MEGF11: variants seen among roughly 807,000 people sequenced by gnomAD.
MEGF11 encodes multiple EGF like domains 11, also known as multiple epidermal growth factor-like domains protein 11.
A neutral mutation model predicts 146.6 loss-of-function variants in MEGF11; 126 were observed. The ratio of observed to expected loss-of-function variants is 0.86; its 90% confidence interval spans 0.74 to 1.00. The LOEUF (loss-of-function observed/expected upper bound fraction) is 1.00, where lower values mean the gene tolerates loss of function less well. Among genes scored for constraint, MEGF11 ranks in the 50% least tolerant of loss-of-function variants. MEGF11 has a pLI of 0.00. For synonymous variants in MEGF11, 532 were observed against 583.4 expected (o/e 0.91, Z 1.27); for missense variants, 1,509 against 1,521.2 (o/e 0.99, Z 0.13).
At chr15:66,206,544 T>C (rs892549266) in intron 1 of MEGF11, among the ~76,000 whole-genome samples, 8 of 152,068 alleles carry the variant, frequency 5.3e-5, no homozygotes, top group African/African-American at 1.9e-4. Context: ...CAGCCAGAAG[T>C]TATTTTTTTA....
At chr15:66,072,445 G>A (rs180755067) in intron 5 of MEGF11, among the ~76,000 whole-genome samples, 223 of 152,146 alleles carry the variant, frequency 1.5e-3, no homozygotes, top group South Asian at 2.1e-3. Flanking sequence ...TGAAATTACC[G>A]TGTTTATTTA....
intron 5 of MEGF11, among the ~76,000 whole-genome samples, chr15:66,061,085 C>A (rs1413288764): frequency 6.6e-6 from 1 of 152,162 alleles, no homozygotes; most frequent in Non-Finnish European, 1.5e-5. Context: ...GTTACAGAGA[C>A]CTGGGCCTCA....
chr15:66,151,460 G>A (rs762025305), intron 1 of MEGF11, among the ~76,000 whole-genome samples: 1 of 152,166 alleles, frequency 6.6e-6, no homozygotes, highest in Admixed American at 6.5e-5. Context: ...TCTGCCACCA[G>A]TCACGGACAG....
chr15:65,904,629 T>G (rs1243143865), intron 24 of MEGF11, among the ~76,000 whole-genome samples: 1 of 152,132 alleles, frequency 6.6e-6, no homozygotes, highest in Non-Finnish European at 1.5e-5. Flanking sequence ...TGTCTTGGTG[T>G]ATGTAAAACT....
chr15:66,093,917 A>G (rs983509225), intron 5 of MEGF11, among the ~76,000 whole-genome samples: 4 of 152,170 alleles, frequency 2.6e-5, no homozygotes, highest in African/African-American at 9.7e-5. Context: ...TGCCCCTGCG[A>G]GTGTCCTGTT....
At position 65,965,064 on chromosome 15, in the gene MEGF11, T is replaced by A; in HGVS notation, c.956A>T (p.Asp319Val). 6.3e-7 allele frequency: 1 copy of A among 1,596,788 alleles called. No individual in the cohort carries two copies. The highest frequency in any genetic ancestry group is 1.1e-5 in the South Asian group (1 of 88,018). ...SFGFQCSQHC[D>V]CHNGGQCSPT... is the part of the protein sequence containing the mutation. ...TGAACACTGCCCCCCATTGTGGCAG[T>A]CACAGTGCTGTGAGCACTGGAAGCC... The change falls in exon 9 of 26, where the codon GAC (aspartate) becomes GTC (valine). Residue 319 changes from aspartate to valine, a missense_variant. Asp to Val is a radical substitution (Grantham distance 152, BLOSUM62 -3). Transcript: ENST00000395614.
At chr15:66,145,624 C>T (rs561354402) in intron 1 of MEGF11, among the ~76,000 whole-genome samples, 1 of 152,100 alleles carries the variant, frequency 6.6e-6, no homozygotes, top group Non-Finnish European at 1.5e-5. Context: ...TGAGAGGCTA[C>T]AATATGTGCC....
In MEGF11 at chr15:65,916,166, C is replaced by T. The variant is rs1428512428; in HGVS notation, c.2326G>A (p.Gly776Arg). Residue 776 changes from glycine to arginine, a missense_variant, in exon 18 of 26, where the codon GGG becomes AGG. Physicochemically the swap from Gly to Arg is moderately radical, Grantham distance 125 (BLOSUM62 -2). Coordinates refer to ENST00000395614, the MANE Select transcript of MEGF11 (RefSeq NM_001385028.1). ...AGCTTACTCTGCTCACAGTGTTGCC[C>T]GGTGAAGCCTGTGCGGCAGGTGCAC... The part of the protein sequence containing the change: ...GKCTCRTGFT[G>R]QHCEQRCAPG... 43 of 1,590,136 alleles carry T rather than the reference C, an allele frequency of 2.7e-5. No homozygotes were observed. The highest frequency in any genetic ancestry group is 4.6e-5 in the East Asian group (2 of 43,796).
chr15:66,220,673 G>A (rs933024772), intron 1 of MEGF11, among the ~76,000 whole-genome samples: 2 of 142,182 alleles, frequency 1.4e-5, no homozygotes, highest in African/African-American at 2.8e-5. Context: ...GAGTAGCTGG[G>A]ACTACAGGTG....
chr15:66,155,029 C>T (rs1157256075), intron 1 of MEGF11, among the ~76,000 whole-genome samples: 4 of 152,230 alleles, frequency 2.6e-5, no homozygotes, highest in South Asian at 2.1e-4. Context: ...GTCAGGATGT[C>T]AGAGTTGGAA....
chr15:66,005,483 G>C (rs2082493969), intron 5 of MEGF11, among the ~76,000 whole-genome samples: 1 of 152,218 alleles, frequency 6.6e-6, no homozygotes, highest in African/African-American at 2.4e-5. Context: ...TCGTGCTCCA[G>C]TAAGTATGCA....
chr15:66,082,371 C>T (rs906895391), intron 5 of MEGF11, among the ~76,000 whole-genome samples: 4 of 128,168 alleles, frequency 3.1e-5, no homozygotes, highest in East Asian at 2.5e-4. Flanking sequence ...GCAGATCACC[C>T]GAGGTGAGGA....
intron 1 of MEGF11, among the ~76,000 whole-genome samples, chr15:66,180,917 C>T (rs1049661931): frequency 3.9e-5 from 6 of 152,224 alleles, no homozygotes; most frequent in Non-Finnish European, 1.5e-5. Context: ...GTGCCCACAA[C>T]AGAAGAGCCT....
At chr15:66,084,481 T>G (rs1209690172) in intron 5 of MEGF11, among the ~76,000 whole-genome samples, 1 of 151,990 alleles carries the variant, frequency 6.6e-6, no homozygotes, top group East Asian at 1.9e-4. Flanking sequence ...CCAAATACTG[T>G]GAGTGCCCCA....
At chr15:65,940,853 A>G (rs1377398271) in intron 10 of MEGF11, among the ~76,000 whole-genome samples, 1 of 152,248 alleles carries the variant, frequency 6.6e-6, no homozygotes, top group Non-Finnish European at 1.5e-5. Flanking sequence ...TCTATCAAAA[A>G]TGAATAGGCT....
At chr15:65,898,534 T>C (rs1211380211) in intron 25 of MEGF11, 194 bp downstream of exon 25, 8 of 985,086 alleles carry the variant, frequency 8.1e-6, no homozygotes, top group African/African-American at 1.8e-5. Context: ...TAAAGCAGAG[T>C]TGGTACAATA....
At position 66,089,930 on chromosome 15, in the gene MEGF11, C is replaced by G. The variant is rs1449462078; in HGVS notation, c.394+4472G>C. Among the ~76,000 whole-genome samples, 4 of 152,252 alleles carry G rather than the reference C, an allele frequency of 2.6e-5. No homozygotes were observed. The South Asian group carries it at 8.3e-4, about 32-fold the overall frequency. On this transcript the variant is annotated intron_variant, in intron 5 of 25. Coordinates refer to ENST00000395614, the MANE Select transcript of MEGF11 (RefSeq NM_001385028.1). ...TAAATTGACATTTCATTCTTTTACT[C>G]TTCATTGTTATATGGGATGGAGGTT...
chr15:66,167,516 C>T (rs1219603681), intron 1 of MEGF11, among the ~76,000 whole-genome samples: 7 of 152,124 alleles, frequency 4.6e-5, no homozygotes, highest in African/African-American at 7.2e-5. Flanking sequence ...ATGGTGGCGC[C>T]GGCCTGTAAT....
intron 5 of MEGF11, among the ~76,000 whole-genome samples, chr15:66,060,981 C>A (rs2084881761): frequency 6.6e-6 from 1 of 152,186 alleles, no homozygotes; most frequent in African/African-American, 2.4e-5. Context: ...CCTGAGGACG[C>A]CTAGGGCTGG....
Sources: allele counts gnomAD v4.1 joint callset (sites outside exome capture counted in the v4.1 genomes callset), GRCh38; gene constraint gnomAD v4.1.1; transcripts MANE v1.5; gene names NCBI Gene and HGNC (gene_info 2026-07-23, HGNC 2026-07-21).